The following PAK5 variants were observed in gnomAD, a reference collection of about 807,000 sequenced individuals.
The protein encoded by PAK5 is serine/threonine-protein kinase PAK 5.
A neutral mutation model predicts 65.9 loss-of-function variants in PAK5; 16 were observed. That is an observed-to-expected ratio of 0.24 (90% CI 0.16 to 0.37). The LOEUF (loss-of-function observed/expected upper bound fraction) is 0.37, where lower values mean the gene tolerates loss of function less well. Among genes scored for constraint, PAK5 ranks in the 10% least tolerant of loss-of-function variants. PAK5 has a pLI of 1.00. For synonymous variants in PAK5, 371 were observed against 354.9 expected (o/e 1.05, Z -0.51); for missense variants, 785 against 903.9 (o/e 0.87, Z 1.69).
intron 1 of PAK5, among the ~76,000 whole-genome samples, chr20:9,787,050 A>T (rs1270794292): frequency 6.6e-6 from 1 of 152,170 alleles, no homozygotes; most frequent in Non-Finnish European, 1.5e-5. Context: ...ATTCTTCCTT[A>T]AAATTATATT....
intron 2 of PAK5, 41 bp from the exon 3 acceptor site, chr20:9,644,380 T>C (rs1428259567): frequency 7.4e-7 from 1 of 1,352,006 alleles, no homozygotes; most frequent in Non-Finnish European, 1.1e-6. Context: ...ATTTATATCT[T>C]GCCAGCAGAA....
At chr20:9,775,331 G>A (rs1444471479) in intron 1 of PAK5, among the ~76,000 whole-genome samples, 1 of 152,150 alleles carries the variant, frequency 6.6e-6, no homozygotes, top group East Asian at 1.9e-4. Context: ...GGGCAGCTTG[G>A]TAAATTCTTC....
chr20:9,603,272 G>A (rs1323292632), intron 3 of PAK5, among the ~76,000 whole-genome samples: 1 of 152,194 alleles, frequency 6.6e-6, no homozygotes, highest in African/African-American at 2.4e-5. Context: ...TTTCTAGTTG[G>A]GGAGGGAGAA....
chr20:9,639,428 G>A (rs2047022871), intron 3 of PAK5, among the ~76,000 whole-genome samples: 1 of 151,906 alleles, frequency 6.6e-6, no homozygotes, highest in Admixed American at 6.6e-5. Context: ...AGATTTTTTG[G>A]GTGTCCTTCA....
chr20:9,541,720 TGCC>T (rs1373078421), intron 9 of PAK5, among the ~76,000 whole-genome samples: 1 of 152,168 alleles, frequency 6.6e-6, no homozygotes, highest in East Asian at 1.9e-4. Flanking sequence ...TGGCTCTCTG[TGCC>T]CACTCAAATC....
At position 9,837,579 on chromosome 20, in the gene PAK5, T is replaced by C. The variant is rs530280810; in HGVS notation, c.-162+1183A>G. On this transcript the variant is annotated intron_variant, in intron 1 of 9. Transcript: ENST00000353224. ...GTGGCACAGCTGTTATTATAAGGTG[T>C]CAATTTCATAGAATTCTAGTGTAGG... Among the ~76,000 whole-genome samples the C allele has an allele frequency of 2.6e-5, 4 of 152,344 alleles. No individual in the cohort carries two copies. In the South Asian group the frequency reaches 8.3e-4, roughly 32 times the overall value.
chr20:9,562,174 T>C (rs1303257487), intron 6 of PAK5, among the ~76,000 whole-genome samples: 1 of 152,214 alleles, frequency 6.6e-6, no homozygotes, highest in East Asian at 1.9e-4. Flanking sequence ...ATTTAGGTAT[T>C]CTTCTATGCT....
intron 4 of PAK5, among the ~76,000 whole-genome samples, 187 bp downstream of exon 4, chr20:9,579,958 A>C (rs2045948227): frequency 6.6e-6 from 1 of 152,226 alleles, no homozygotes; most frequent in Non-Finnish European, 1.5e-5. Flanking sequence ...ATTTTAATGA[A>C]TATATATGCC....
intron 1 of PAK5, among the ~76,000 whole-genome samples, chr20:9,772,088 TCTTA>T: frequency 6.6e-6 from 1 of 152,296 alleles, no homozygotes; most frequent in African/African-American, 2.4e-5. Flanking sequence ...GTACTCACTT[TCTTA>T]TTTTATCAAG....
At chr20:9,577,409 A>T (rs1034644128) in intron 4 of PAK5, 1 of 151,992 alleles carries the variant, frequency 6.6e-6, no homozygotes, top group African/African-American at 2.4e-5. Flanking sequence ...ACACACACAC[A>T]TGTGTACACA....
rs150725498 is a variant in PAK5 at position 9,618,915 on chromosome 20, GTTTTTTTTTTTTT to G, written c.204+25197_204+25209del. Among the ~76,000 whole-genome samples the G allele has an allele frequency of 3.9e-3, 74 of 18,844 alleles. No homozygotes were observed. In the South Asian group the frequency reaches 0.099, roughly 25 times the overall value. 12.4% of individuals were successfully genotyped at this position (18,844 alleles called of 152,430 possible). A position where few individuals can be genotyped will look rare whatever the true frequency, so the allele number is the denominator to read the frequency against. On this transcript the variant is annotated intron_variant, in intron 3 of 9. Coordinates refer to ENST00000353224, the MANE Select transcript of PAK5 (RefSeq NM_177990.4). ...AGATTCTTTTCTCTCTCTTTCTTTCGTTTTTTTTTTTTTTTTTTTTTTTTTTTTTTTTTTAATC... is the reference window on the plus strand; with the variant it reads ...AGATTCTTTTCTCTCTCTTTCTTTCGTTTTTTTTTTTTTTTTTTTTTAATC...
chr20:9,669,459 A>G (rs1356435648), intron 2 of PAK5, among the ~76,000 whole-genome samples: 1 of 152,180 alleles, frequency 6.6e-6, no homozygotes, highest in Non-Finnish European at 1.5e-5. Context: ...AGGTGCAATC[A>G]TATCAAAAGT....
At chr20:9,702,501 A>G (rs377004052) in intron 2 of PAK5, among the ~76,000 whole-genome samples, 1 of 152,166 alleles carries the variant, frequency 6.6e-6, no homozygotes, top group African/African-American at 2.4e-5. Flanking sequence ...TGCAATCACG[A>G]TGTGTAAAAT....
At chr20:9,798,780 T>A (rs1055055735) in intron 1 of PAK5, among the ~76,000 whole-genome samples, 1 of 152,138 alleles carries the variant, frequency 6.6e-6, no homozygotes, top group Non-Finnish European at 1.5e-5. Flanking sequence ...GCTGGGTTCA[T>A]CAAGGATGAT....
intron 7 of PAK5, among the ~76,000 whole-genome samples, chr20:9,547,128 A>C (rs1042473798): frequency 6.6e-6 from 1 of 152,194 alleles, no homozygotes; most frequent in Non-Finnish European, 1.5e-5. Context: ...GACCATGTGA[A>C]GGCAAAGCAG....
At chr20:9,728,344 T>C (rs183564793) in intron 1 of PAK5, among the ~76,000 whole-genome samples, 1 of 152,298 alleles carries the variant, frequency 6.6e-6, no homozygotes, top group East Asian at 1.9e-4. Flanking sequence ...TACTTTGTTA[T>C]AGTGCACAAA....
intron 1 of PAK5, among the ~76,000 whole-genome samples, chr20:9,822,981 T>C (rs142562513): frequency 1.4e-4 from 21 of 152,352 alleles, no homozygotes; most frequent in African/African-American, 5.0e-4. Context: ...GATTTAGATG[T>C]ACATGTCCCT....
At chr20:9,628,991 G>A (rs1569008656) in intron 3 of PAK5, among the ~76,000 whole-genome samples, 1 of 152,196 alleles carries the variant, frequency 6.6e-6, no homozygotes, top group Non-Finnish European at 1.5e-5. Flanking sequence ...AACTGAGTCG[G>A]CTTGCCTATG....
intron 3 of PAK5, among the ~76,000 whole-genome samples, chr20:9,584,591 G>A (rs961773331): frequency 1.9e-4 from 29 of 152,312 alleles, no homozygotes; most frequent in East Asian, 1.9e-4. Flanking sequence ...GATTACAGGC[G>A]TGAGCCACAG....
Sources: gnomAD v4.1 joint callset for allele counts (sites outside exome capture counted in the v4.1 genomes callset) on GRCh38, gnomAD v4.1.1 for gene constraint, MANE v1.5 for transcripts, NCBI Gene and HGNC (gene_info 2026-07-23, HGNC 2026-07-21) for gene names.